HK2: variants seen among roughly 807,000 people sequenced by gnomAD.
HK2 encodes hexokinase 2.
Under a neutral mutation model 92.9 loss-of-function variants are expected in HK2, and 42 were observed. The ratio of observed to expected loss-of-function variants is 0.45; its 90% CI spans 0.35 to 0.58. HK2 has a LOEUF of 0.58. HK2 is among the 20% of genes least tolerant of loss of function. The probability of loss-of-function intolerance (pLI) is 0.00; values close to 1 mark genes in which losing one functional copy is unlikely to be tolerated. For missense variants in HK2, 978 were observed against 1,245.1 expected (o/e 0.79, Z 3.23); for synonymous variants, 422 against 468.0 (o/e 0.90, Z 1.27).
In HK2 at chr2:74,873,379, G is replaced by T; in HGVS notation, c.591+8G>T. Reference sequence around the variant, plus strand: ...GCCATCCAGAGGAGAGGGGTGAGTGGGGTGGCAGGAGCTTGGGGTCTGTGG... The same window carrying T: ...GCCATCCAGAGGAGAGGGGTGAGTGTGGTGGCAGGAGCTTGGGGTCTGTGG... On this transcript the variant is annotated splice_region_variant and intron_variant, in intron 5 of 17. Coordinates refer to ENST00000290573, the MANE Select transcript of HK2 (RefSeq NM_000189.5). The T allele has an allele frequency of 6.2e-7, 1 of 1,606,872 alleles. No homozygotes were observed. Among genetic ancestry groups the T allele is most frequent in the Non-Finnish European group, 8.5e-7 (1 of 1,173,488 alleles).
In HK2 at chr2:74,882,145, TCGC is replaced by T; in HGVS notation, c.1746_1748del (p.Ile582_Ala583delinsMet). On this transcript the variant is annotated inframe_deletion, in exon 12 of 18. Transcript: ENST00000290573. ...CTCTTTGACCACATTGTCCAGTGCA[TCGC>T]GGACTTCCTCGAGTACATGGGCATG... is the stretch of plus-strand genomic sequence containing the variant. 1 of 1,614,212 alleles carries T rather than the reference TCGC, an allele frequency of 6.2e-7. No individual in the cohort carries two copies. Among genetic ancestry groups the T allele is most frequent in the Non-Finnish European group, 8.5e-7 (1 of 1,180,022 alleles).
intron 8 of HK2, 88 bp downstream of exon 8, chr2:74,877,409 G>A (rs1689261783): frequency 8.2e-6 from 12 of 1,458,086 alleles, no homozygotes; most frequent in Non-Finnish European, 1.2e-5. Flanking sequence ...TGTACCTTTT[G>A]ACTCTTCAAG....
chr2:74,834,790 GGC>G lies in HK2; in HGVS notation c.63+150_63+151del. On this transcript the variant is annotated intron_variant, in intron 1 of 17. Transcript: ENST00000290573. The surrounding 1 kb of genome is among the most constrained non-coding windows in gnomAD (Gnocchi z 4.2). The stretch of plus-strand genomic sequence containing the variant: ...AGTTTGGGCAGCCGGGACACTCCTG[GGC>G]GCCAGGAGCCACGTCCGCTAAGCAC... 1 of 855,136 alleles carries G rather than the reference GGC, an allele frequency of 1.2e-6. No individual in the cohort carries two copies. The highest frequency in any genetic ancestry group is 1.4e-5 in the South Asian group (1 of 72,202). The allele number at this position is 855,136 out of a possible 1,614,324, so 53.0% of individuals were successfully genotyped here.
chr2:74,872,901 A>G (rs1474299548), intron 4 of HK2, among the ~76,000 whole-genome samples: 2 of 152,210 alleles, frequency 1.3e-5, no homozygotes, highest in African/African-American at 4.8e-5. Context: ...GCTGTATGGG[A>G]CAGCCTGTTA....
At chr2:74,846,032 A>G (rs889653831) in intron 1 of HK2, among the ~76,000 whole-genome samples, 6 of 152,208 alleles carry the variant, frequency 3.9e-5, no homozygotes, top group African/African-American at 1.4e-4. Flanking sequence ...ACTGGATGCT[A>G]TGGGTCTTCA....
chr2:74,875,137 G>A (rs555239562), intron 7 of HK2, among the ~76,000 whole-genome samples: 3 of 152,236 alleles, frequency 2.0e-5, no homozygotes, highest in East Asian at 1.9e-4. Flanking sequence ...CCAAATGTGC[G>A]TGTGAAAGAT....
chr2:74,871,831 C>T (rs1689106131), intron 3 of HK2, among the ~76,000 whole-genome samples: 2 of 152,194 alleles, frequency 1.3e-5, no homozygotes, highest in Non-Finnish European at 1.5e-5. Flanking sequence ...ACCCCCCACC[C>T]CATCACCAGA....
intron 3 of HK2, among the ~76,000 whole-genome samples, 195 bp from the exon 4 acceptor site, chr2:74,872,105 A>G (rs988004043): frequency 3.9e-5 from 6 of 152,344 alleles, no homozygotes; most frequent in African/African-American, 1.4e-4. Context: ...GTATTGACTC[A>G]TGTACTCCTT....
chr2:74,846,031 T>C (rs1327288336), intron 1 of HK2, among the ~76,000 whole-genome samples: 1 of 152,252 alleles, frequency 6.6e-6, no homozygotes, highest in African/African-American at 2.4e-5. Context: ...CACTGGATGC[T>C]ATGGGTCTTC....
At chr2:74,860,400 C>A (rs998690805) in intron 2 of HK2, among the ~76,000 whole-genome samples, 12 of 152,272 alleles carry the variant, frequency 7.9e-5, no homozygotes, top group Admixed American at 7.2e-4. Flanking sequence ...TACCTTGAGC[C>A]CCTTCCCAGT....
At chr2:74,860,871 C>T (rs1487070612) in intron 2 of HK2, among the ~76,000 whole-genome samples, 2 of 152,228 alleles carry the variant, frequency 1.3e-5, no homozygotes, top group Non-Finnish European at 2.9e-5. Flanking sequence ...TATGAGAGCT[C>T]TGCCTGCTCC....
At chr2:74,877,141 G>A (rs768154230) in intron 7 of HK2, 25 bp from the exon 8 acceptor site, 7 of 1,613,122 alleles carry the variant, frequency 4.3e-6, no homozygotes, top group African/African-American at 1.3e-5. Context: ...GGGACTTTAT[G>A]TTTTTGGTTT....
At chr2:74,854,875 C>T (rs538180820) in intron 2 of HK2, among the ~76,000 whole-genome samples, 18 of 152,302 alleles carry the variant, frequency 1.2e-4, no homozygotes, top group African/African-American at 2.9e-4. Flanking sequence ...GGACGCCGGA[C>T]GCCGTGTAGG....
intron 1 of HK2, among the ~76,000 whole-genome samples, chr2:74,838,391 TTA>T (rs1688220622): frequency 6.6e-6 from 1 of 150,676 alleles, no homozygotes; most frequent in Non-Finnish European, 1.5e-5. Context: ...TAGTTCGCAG[TTA>T]TCTCTTCATC....
intron 7 of HK2, 121 bp downstream of exon 7, chr2:74,874,570 C>T: frequency 2.2e-6 from 2 of 921,292 alleles, no homozygotes; most frequent in South Asian, 1.7e-5. Context: ...CCAAGGTGGC[C>T]ACTGGTCATA....
intron 1 of HK2, among the ~76,000 whole-genome samples, chr2:74,848,916 C>T (rs1239034230): frequency 1.3e-4 from 20 of 152,170 alleles, no homozygotes; most frequent in Admixed American, 1.3e-3. Context: ...AACTGTGTGA[C>T]CTGGGTCGAG....
intron 2 of HK2, among the ~76,000 whole-genome samples, chr2:74,862,077 C>T (rs934148486): frequency 1.3e-5 from 2 of 152,194 alleles, no homozygotes; most frequent in Non-Finnish European, 2.9e-5. Flanking sequence ...TTGTAGACAT[C>T]GTTAGTGCCA....
chr2:74,872,621 C>G (rs1039784787), intron 4 of HK2, among the ~76,000 whole-genome samples: 2 of 152,166 alleles, frequency 1.3e-5, no homozygotes, highest in African/African-American at 4.8e-5. Flanking sequence ...TTATCACCCT[C>G]TCTCCCACAC....
chr2:74,885,695 G>A, intron 13 of HK2, 106 bp downstream of exon 13: 2 of 807,990 alleles, frequency 2.5e-6, no homozygotes, highest in South Asian at 2.8e-5. Flanking sequence ...GCATGGGTTG[G>A]GAGGAAGATT....
Sources: allele counts gnomAD v4.1 joint callset (sites outside exome capture counted in the v4.1 genomes callset), GRCh38; gene constraint gnomAD v4.1.1; non-coding constraint Gnocchi (gnomAD v3.1); transcripts MANE v1.5; gene names NCBI Gene and HGNC (gene_info 2026-07-23, HGNC 2026-07-21).